Variants in ST8SIA1 observed in about 807,000 individuals in gnomAD.
ST8SIA1 encodes the protein alpha-N-acetylneuraminide alpha-2,8-sialyltransferase.
ST8SIA1 carries 16 observed loss-of-function variants against 35.9 expected under a neutral mutation model. That is an observed-to-expected ratio of 0.45 (90% CI 0.30 to 0.68). ST8SIA1 has a LOEUF of 0.68. Among genes scored for constraint, ST8SIA1 ranks in the 30% least tolerant of loss-of-function variants. The probability of loss-of-function intolerance (pLI) is 0.09; values close to 1 mark genes in which losing one functional copy is unlikely to be tolerated. For missense variants in ST8SIA1, 383 were observed against 453.6 expected (o/e 0.84, Z 1.41); for synonymous variants, 170 against 169.6 (o/e 1.00, Z -0.02).
At chr12:22,278,838 T>A (rs1866000191) in intron 2 of ST8SIA1, among the ~76,000 whole-genome samples, 1 of 152,188 alleles carries the variant, frequency 6.6e-6, no homozygotes, top group South Asian at 2.1e-4. Flanking sequence ...AAATGTTGTC[T>A]TACCCTCAAA....
In ST8SIA1 at chr12:22,320,975, GAA is replaced by G. The variant is rs1274716123; in HGVS notation, c.236+13020_236+13021del. Among the ~76,000 whole-genome samples, 303 of 86,388 alleles carry G rather than the reference GAA, an allele frequency of 3.5e-3. 2 individuals are homozygous for G. Among genetic ancestry groups the G allele is most frequent in the South Asian group, 5.5e-3 (12 of 2,168 alleles). 56.7% of individuals were successfully genotyped at this position (86,388 alleles called of 152,430 possible). On this transcript the variant is annotated intron_variant, in intron 1 of 4. Transcript: ENST00000396037. Reference sequence around the variant, plus strand: ...AAAGAAAGAGAAAGAAAGAAAGAAAGAAAGAAAGAAAGAAAGAAAGAAAGAAA... The same window carrying G: ...AAAGAAAGAGAAAGAAAGAAAGAAAGAGAAAGAAAGAAAGAAAGAAAGAAA...
chr12:22,207,274 A>G (rs1565566657), intron 4 of ST8SIA1, among the ~76,000 whole-genome samples: 3 of 152,228 alleles, frequency 2.0e-5, no homozygotes, highest in Admixed American at 6.5e-5. Context: ...TCAGATGTGA[A>G]CTACATTTAG....
At chr12:22,257,604 C>A (rs1470517673) in intron 2 of ST8SIA1, among the ~76,000 whole-genome samples, 1 of 151,608 alleles carries the variant, frequency 6.6e-6, no homozygotes, top group African/African-American at 2.4e-5. Context: ...AGGTAGTGAG[C>A]CTCACAGATC....
In ST8SIA1 at chr12:22,334,036, G is replaced by C; in HGVS notation, c.197C>G (p.Thr66Arg). Residue 66 changes from threonine (T) to arginine (R), a missense_variant, in exon 1 of 5, where the codon ACG becomes AGG. Thr to Arg is a moderately conservative substitution (Grantham distance 71). Coordinates refer to ENST00000396037, the MANE Select transcript of ST8SIA1 (RefSeq NM_003034.4). Reference sequence around the variant, plus strand: ...CGCGGTCTGGTTCCTCCTCCACGCCGTGCCCTGTTGCAGCACCCCCTGCAC... The same window carrying C: ...CGCGGTCTGGTTCCTCCTCCACGCCCTGCCCTGTTGCAGCACCCCCTGCAC... The part of the protein sequence containing the change: ...EIVQGVLQQG[T>R]AWRRNQTAAR... The C allele has an allele frequency of 6.2e-7, 1 of 1,614,074 alleles. No homozygotes were observed. The highest frequency in any genetic ancestry group is 1.1e-5 in the South Asian group (1 of 91,068).
At chr12:22,276,420 CA>C (rs1865969399) in intron 2 of ST8SIA1, among the ~76,000 whole-genome samples, 1 of 152,290 alleles carries the variant, frequency 6.6e-6, no homozygotes, top group East Asian at 1.9e-4. Flanking sequence ...GTGCAAGTGA[CA>C]GGGGCTGAGA....
intron 4 of ST8SIA1, among the ~76,000 whole-genome samples, chr12:22,229,263 G>A (rs1027730705): frequency 2.6e-5 from 4 of 152,092 alleles, no homozygotes; most frequent in African/African-American, 9.7e-5. Context: ...TAATGTAAAA[G>A]TGATATTAAC....
At chr12:22,273,488 A>G (rs2012613) in intron 2 of ST8SIA1, among the ~76,000 whole-genome samples, 13,637 of 152,166 alleles carry the variant, frequency 0.09, 742 homozygotes, top group East Asian at 0.15. Flanking sequence ...TCATCATTCA[A>G]TGAAACTCCC....
intron 3 of ST8SIA1, among the ~76,000 whole-genome samples, 174 bp from the exon 4 acceptor site, chr12:22,249,272 A>C (rs944879238): frequency 6.9e-6 from 1 of 144,940 alleles, no homozygotes. Context: ...AGGCTGGAGT[A>C]CAGTGGTGTG....
intron 2 of ST8SIA1, among the ~76,000 whole-genome samples, chr12:22,270,458 G>A (rs564458436): frequency 1.3e-5 from 2 of 151,990 alleles, no homozygotes; most frequent in Non-Finnish European, 2.9e-5. Flanking sequence ...TGTTTCCTAC[G>A]CACTTTCCTT....
intron 1 of ST8SIA1, among the ~76,000 whole-genome samples, chr12:22,327,410 C>T (rs1271880588): frequency 6.6e-6 from 1 of 152,158 alleles, no homozygotes; most frequent in Non-Finnish European, 1.5e-5. Flanking sequence ...CGTTCCTTGC[C>T]CCCTCTGATG....
intron 4 of ST8SIA1, among the ~76,000 whole-genome samples, chr12:22,203,192 A>AG (rs1471362986): frequency 6.6e-6 from 1 of 151,992 alleles, no homozygotes; most frequent in Non-Finnish European, 1.5e-5. Flanking sequence ...GTTAAAAAAA[A>AG]GAGAGAGAGA....
intron 2 of ST8SIA1, among the ~76,000 whole-genome samples, chr12:22,267,634 T>C (rs1006853562): frequency 1.3e-5 from 2 of 152,172 alleles, no homozygotes; most frequent in Non-Finnish European, 2.9e-5. Flanking sequence ...CACACATTCC[T>C]ACCTTTACTT....
intron 2 of ST8SIA1, among the ~76,000 whole-genome samples, chr12:22,265,637 A>C (rs1032386865): frequency 1.3e-5 from 2 of 152,140 alleles, no homozygotes; most frequent in African/African-American, 2.4e-5. Context: ...TTTATCTTTA[A>C]GAGATCAACA....
chr12:22,228,766 T>A (rs1865384296), intron 4 of ST8SIA1, among the ~76,000 whole-genome samples: 1 of 151,866 alleles, frequency 6.6e-6, no homozygotes, highest in Non-Finnish European at 1.5e-5. Context: ...CATTTAAAAA[T>A]TAGTGGGGGC....
chr12:22,329,803 G>A (rs750372338), intron 1 of ST8SIA1, among the ~76,000 whole-genome samples: 2 of 152,238 alleles, frequency 1.3e-5, no homozygotes, highest in East Asian at 1.9e-4. Flanking sequence ...TTAGAGTAAC[G>A]GTTACCACCC....
At chr12:22,326,868 C>A (rs1215561887) in intron 1 of ST8SIA1, among the ~76,000 whole-genome samples, 1 of 152,160 alleles carries the variant, frequency 6.6e-6, no homozygotes, top group East Asian at 1.9e-4. Flanking sequence ...AGAAATCTAT[C>A]AAATCCATCA....
intron 4 of ST8SIA1, among the ~76,000 whole-genome samples, chr12:22,221,383 G>A (rs1197813153): frequency 6.6e-6 from 1 of 152,182 alleles, no homozygotes; most frequent in African/African-American, 2.4e-5. Context: ...TATGATTAAA[G>A]AGGTTGAGAT....
At chr12:22,255,535 G>T in intron 2 of ST8SIA1, 146 bp from the exon 3 acceptor site, 1 of 739,692 alleles carries the variant, frequency 1.4e-6, no homozygotes, top group Non-Finnish European at 2.3e-6. Context: ...ATGCCAAGAA[G>T]TTTGTAAGGA....
intron 4 of ST8SIA1, among the ~76,000 whole-genome samples, chr12:22,229,886 A>G (rs1865398108): frequency 6.6e-6 from 1 of 152,192 alleles, no homozygotes; most frequent in African/African-American, 2.4e-5. Flanking sequence ...GAACACCAAC[A>G]TTAAGGTAGC....
Sources: allele counts gnomAD v4.1 joint callset (sites outside exome capture counted in the v4.1 genomes callset), GRCh38; gene constraint gnomAD v4.1.1; transcripts MANE v1.5; gene names NCBI Gene and HGNC (gene_info 2026-07-23, HGNC 2026-07-21).